FANCC: variants seen among roughly 807,000 people sequenced by gnomAD.
The protein encoded by FANCC is FA complementation group C.
A neutral mutation model predicts 71.3 loss-of-function variants in FANCC; 55 were observed. That is an observed-to-expected ratio of 0.77 (90% CI 0.62 to 0.97). The LOEUF (loss-of-function observed/expected upper bound fraction) is 0.97, where lower values mean the gene tolerates loss of function less well. Among genes scored for constraint, FANCC ranks in the 50% least tolerant of loss-of-function variants. The probability of loss-of-function intolerance (pLI) is 0.00; values close to 1 mark genes in which losing one functional copy is unlikely to be tolerated. For synonymous variants in FANCC, 275 were observed against 244.9 expected, an observed-to-expected ratio of 1.12 and a Z score of -1.15; for missense variants, 678 against 670.9, an observed-to-expected ratio of 1.01 and a Z score of -0.12.
chr9:95,107,536 A>G (rs2071547311), intron 13 of FANCC: 1 of 558,412 alleles, frequency 1.8e-6, no homozygotes, highest in Non-Finnish European at 3.2e-6. Context: ...AAAAGGAAAC[A>G]GAGAAAAGTT....
In FANCC at chr9:95,114,676, C is replaced by T. The variant is rs1321399501; in HGVS notation, c.1107G>A (p.Lys369=). 12 of 1,614,190 alleles carry T rather than the reference C, an allele frequency of 7.4e-6. No individual in the cohort carries two copies. Among genetic ancestry groups the T allele is most frequent in the Non-Finnish European group, 7.6e-6 (9 of 1,180,020 alleles). The change falls in exon 12 of 15, where the codon AAG becomes AAA. Residue 369 remains lysine, a synonymous_variant. Transcript: ENST00000289081. ...IPRGHWLQTL[K]HISELLREAV... is the part of the protein sequence containing the mutation. ...CTTCTCTGAGCAGTTCAGAAATATG[C>T]TTCAGTGTCTGGAGCCAGTGTCCCC...
chr9:95,159,031 A>C (rs1470935977), intron 6 of FANCC, among the ~76,000 whole-genome samples: 1 of 150,768 alleles, frequency 6.6e-6, no homozygotes, highest in Non-Finnish European at 1.5e-5. Context: ...ATTTTTTTTG[A>C]CCTTTTTTTT....
chr9:95,228,849 A>G (rs1174950668), intron 4 of FANCC, among the ~76,000 whole-genome samples: 1 of 152,148 alleles, frequency 6.6e-6, no homozygotes, highest in African/African-American at 2.4e-5. Context: ...AATAGTGAGG[A>G]GGCCACTGTG....
At chr9:95,136,202 T>TC (rs1483843238) in intron 7 of FANCC, among the ~76,000 whole-genome samples, 7 of 152,066 alleles carry the variant, frequency 4.6e-5, no homozygotes, top group African/African-American at 1.4e-4. Flanking sequence ...ACCAGCCTGG[T>TC]CAAATAGTGA....
chr9:95,150,021 A>C lies in FANCC; in HGVS notation c.588T>G (p.Val196=), dbSNP rs753923581. The C allele has an allele frequency of 6.2e-7, 1 of 1,614,178 alleles. No homozygotes were observed. The highest frequency in any genetic ancestry group is 8.5e-7 in the Non-Finnish European group (1 of 1,180,020). Reference sequence around the variant, plus strand: ...TGAGGAGAGCCTCCACCAGGGGGTCAACATCTGTCAGGGTAATAAGTGGGA... The same window carrying C: ...TGAGGAGAGCCTCCACCAGGGGGTCCACATCTGTCAGGGTAATAAGTGGGA... ...VCVPLITLTD[V]DPLVEALLIC... Residue 196 remains valine (V), a synonymous_variant, in exon 7 of 15, where the codon GTT becomes GTG. Coordinates refer to ENST00000289081, the MANE Select transcript of FANCC (RefSeq NM_000136.3).
At chr9:95,293,199 C>T (rs1316828464) in intron 1 of FANCC, 11 of 1,611,784 alleles carry the variant, frequency 6.8e-6, no homozygotes, top group African/African-American at 1.3e-5. Context: ...ACAACATCAC[C>T]GAGATAGCCT....
intron 4 of FANCC, among the ~76,000 whole-genome samples, chr9:95,182,084 T>C (rs1425835875): frequency 6.6e-6 from 1 of 152,332 alleles, no homozygotes; most frequent in Non-Finnish European, 1.5e-5. Context: ...AGAGCCAAAC[T>C]GTGGTCAGTA....
chr9:95,303,510 G>A (rs1442728162), intron 1 of FANCC, among the ~76,000 whole-genome samples: 2 of 152,140 alleles, frequency 1.3e-5, no homozygotes, highest in South Asian at 4.1e-4. Flanking sequence ...TCACATACAT[G>A]GTGGCTTAAA....
chr9:95,107,019 C>A lies in FANCC; in HGVS notation c.1533+47G>T, dbSNP rs1387620543. 15 of 1,600,428 alleles carry A rather than the reference C, an allele frequency of 9.4e-6. 1 individual carries two copies. The highest frequency in any genetic ancestry group is 2.2e-5 in the South Asian group (2 of 90,620). On this transcript the variant is annotated intron_variant, in intron 14 of 14. Transcript: ENST00000289081. ...CTCGGACAGGTAACCCACCTCTCGC[C>A]TGGAGCAGAAATGAGTACTAGGATG...
At chr9:95,130,309 A>G (rs1174842147) in intron 8 of FANCC, among the ~76,000 whole-genome samples, 1 of 151,966 alleles carries the variant, frequency 6.6e-6, no homozygotes, top group African/African-American at 2.4e-5. Flanking sequence ...TGAGAGAGAG[A>G]GAGAGAGAGA....
intron 6 of FANCC, among the ~76,000 whole-genome samples, chr9:95,161,937 G>A (rs146742282): frequency 0.015 from 2,195 of 151,096 alleles, 55 homozygotes; most frequent in African/African-American, 0.05. Context: ...CGCTTCCCAG[G>A]TTCAAGCGAT....
chr9:95,278,135 T>C (rs181556339), intron 1 of FANCC, among the ~76,000 whole-genome samples: 3 of 152,306 alleles, frequency 2.0e-5, no homozygotes, highest in African/African-American at 7.2e-5. Context: ...CCAAGCTGTA[T>C]TGGGCTAAGG....
intron 6 of FANCC, among the ~76,000 whole-genome samples, chr9:95,163,925 T>C (rs1054263535): frequency 1.6e-4 from 24 of 152,212 alleles, no homozygotes; most frequent in African/African-American, 5.8e-4. Context: ...TTTTTATTTA[T>C]TTATGTCTTA....
intron 1 of FANCC, chr9:95,294,639 C>T (rs1834264517): frequency 6.9e-6 from 11 of 1,583,212 alleles, no homozygotes; most frequent in Non-Finnish European, 9.5e-6. Context: ...AAACACAGAC[C>T]ATGAGTTCTG....
At chr9:95,115,353 C>T (rs1017704210) in intron 11 of FANCC, among the ~76,000 whole-genome samples, 1 of 152,192 alleles carries the variant, frequency 6.6e-6, no homozygotes, top group Non-Finnish European at 1.5e-5. Context: ...TCTTTTCTAC[C>T]TACACACTCC....
At chr9:95,271,160 T>C (rs1409307692) in intron 1 of FANCC, among the ~76,000 whole-genome samples, 2 of 152,174 alleles carry the variant, frequency 1.3e-5, no homozygotes, top group Admixed American at 1.3e-4. Context: ...AGAGGCCAGG[T>C]ACACCGCTGA....
At chr9:95,276,401 A>G (rs771308051) in intron 1 of FANCC, among the ~76,000 whole-genome samples, 69 of 152,158 alleles carry the variant, frequency 4.5e-4, no homozygotes, top group Non-Finnish European at 8.4e-4. Context: ...ATAACAGATA[A>G]TCCTTTTCTG....
chr9:95,288,565 G>C (rs1833823706), intron 1 of FANCC, among the ~76,000 whole-genome samples: 1 of 151,984 alleles, frequency 6.6e-6, no homozygotes, highest in Admixed American at 6.6e-5. Flanking sequence ...TGTTCTTATA[G>C]GTCAACTGAG....
chr9:95,305,032 G>T (rs1056902467), intron 1 of FANCC, among the ~76,000 whole-genome samples: 11 of 152,090 alleles, frequency 7.2e-5, no homozygotes, highest in Non-Finnish European at 1.6e-4. Flanking sequence ...GATAAATGCT[G>T]CCTCTCTAAT....
Sources: allele counts gnomAD v4.1 joint callset (sites outside exome capture counted in the v4.1 genomes callset), GRCh38; gene constraint gnomAD v4.1.1; transcripts MANE v1.5; gene names NCBI Gene and HGNC (gene_info 2026-07-23, HGNC 2026-07-21).